The following LRRC37A3 variants were observed in gnomAD, a reference collection of about 807,000 sequenced individuals.
LRRC37A3 encodes leucine-rich repeat-containing protein 37A3.
A neutral mutation model predicts 106.2 loss-of-function variants in LRRC37A3; 25 were observed. The ratio of observed to expected loss-of-function variants is 0.24; its 90% CI spans 0.17 to 0.33. The LOEUF (loss-of-function observed/expected upper bound fraction) is 0.33. LRRC37A3 is among the 10% of genes least tolerant of loss of function. LRRC37A3 has a pLI of 1.00. For missense variants in LRRC37A3, 712 were observed against 1,644.9 expected (o/e 0.43, Z 9.81); for synonymous variants, 305 against 635.8 (o/e 0.48, Z 7.83).
chr17:64,871,574 G>A (rs1973313346), intron 8 of LRRC37A3: 1 of 152,010 alleles, frequency 6.6e-6, no homozygotes, highest in Non-Finnish European at 1.5e-5. Context: ...ATCAGCATGG[G>A]AGTTTTGACC....
chr17:64,880,337 G>A (rs1211073790), intron 8 of LRRC37A3, among the ~76,000 whole-genome samples: 1 of 152,142 alleles, frequency 6.6e-6, no homozygotes, highest in Non-Finnish European at 1.5e-5. Flanking sequence ...TGTAGAGATT[G>A]GGGTCTCACT....
intron 11 of LRRC37A3, among the ~76,000 whole-genome samples, chr17:64,862,098 T>A (rs1442903357): frequency 6.2e-5 from 9 of 144,306 alleles, no homozygotes; most frequent in African/African-American, 1.8e-4. Flanking sequence ...GGGAATAACA[T>A]AATTGGTAAA....
chr17:64,898,613 ACTT>A (rs1282772777), intron 2 of LRRC37A3, 154 bp from the exon 3 acceptor site: 1 of 869,290 alleles, frequency 1.2e-6, no homozygotes, highest in Admixed American at 6.2e-5. Context: ...AGGAAGCTAG[ACTT>A]CTTAAAGCTT....
At position 64,858,842 on chromosome 17, in the gene LRRC37A3, G is replaced by C; in HGVS notation, c.4746C>G (p.Leu1582=). 1 of 1,612,820 alleles carries C rather than the reference G, an allele frequency of 6.2e-7. No homozygotes were observed. The highest frequency in any genetic ancestry group is 8.5e-7 in the Non-Finnish European group (1 of 1,179,370). ...TTCCAGTCACAATTAACGCCAAGAT[G>C]AGTTTTTTGGTATAGCCATATCCTG... ...ELPGYGYTKK[L]ILALIVTGIL... is the part of the protein sequence containing the mutation. Residue 1582 remains leucine, a synonymous_variant, in exon 13 of 15, where the codon CTC becomes CTG. Coordinates refer to ENST00000584306, the MANE Select transcript of LRRC37A3 (RefSeq NM_199340.5).
At position 64,854,286 on chromosome 17, in the gene LRRC37A3, C is replaced by G; in HGVS notation, c.*313G>C. The G allele has an allele frequency of 2.0e-6, 1 of 505,970 alleles. No individual in the cohort carries two copies. The allele number at this position is 505,970 out of a possible 1,614,324, so 31.3% of individuals were successfully genotyped here. On this transcript the variant is annotated 3_prime_UTR_variant, in exon 15 of 15. Coordinates refer to ENST00000584306, the MANE Select transcript of LRRC37A3 (RefSeq NM_199340.5). ...AGGCCCAGTGATCCTATGATAGGGG[C>G]CAGGAGATGGGAGGTCCCCTGTGGG... is the stretch of plus-strand genomic sequence containing the variant.
At chr17:64,862,329 G>C (rs1567764146) in intron 11 of LRRC37A3, among the ~76,000 whole-genome samples, 1 of 151,974 alleles carries the variant, frequency 6.6e-6, no homozygotes, top group Non-Finnish European at 1.5e-5. Flanking sequence ...TTGAGATTCG[G>C]AGCAAGTTCA....
chr17:64,862,566 C>T lies in LRRC37A3; in HGVS notation c.3172+334G>A, dbSNP rs1262237391. Among the ~76,000 whole-genome samples the T allele has an allele frequency of 2.0e-5, 3 of 151,828 alleles. No homozygotes were observed. The East Asian group carries it at 5.8e-4, about 29-fold the overall frequency. On this transcript the variant is annotated intron_variant, in intron 11 of 14. Transcript: ENST00000584306. ...TAAAACCAGCTTACAAACTACATTG[C>T]ACTATATGAAGAAATTATCACTGTG...
At chr17:64,877,664 C>A (rs769745296) in intron 8 of LRRC37A3, among the ~76,000 whole-genome samples, 1 of 152,108 alleles carries the variant, frequency 6.6e-6, no homozygotes, top group Non-Finnish European at 1.5e-5. Flanking sequence ...CAAGCTAGTT[C>A]TAAAATAATA....
chr17:64,884,552 G>A, intron 8 of LRRC37A3, among the ~76,000 whole-genome samples: 1 of 149,772 alleles, frequency 6.7e-6, no homozygotes. Flanking sequence ...TTTTAGTAGA[G>A]ACAGGTTTCA....
rs1221453289 is a variant in LRRC37A3, at chr17:64,860,711, T to C, written c.3435A>G (p.Pro1145=). ...TCTTTGCCAGGCTGTTTCCTGTGGT[T>C]GGCAGTTTAATGAACGGTAGTAACA... ...KSLLLPFIKL[P]TTGNSLAKIQ... is the part of the protein sequence containing the mutation. The change falls in exon 12 of 15, where the codon CCA becomes CCG. Residue 1145 remains proline (P), a synonymous_variant. Transcript: ENST00000584306. 2 of 1,614,026 alleles carry C rather than the reference T, an allele frequency of 1.2e-6. No individual in the cohort carries two copies. The highest frequency in any genetic ancestry group is 8.5e-7 in the Non-Finnish European group (1 of 1,179,896).
In LRRC37A3 at chr17:64,859,709, C is replaced by T; in HGVS notation, c.4437G>A (p.Gln1479=). 1.2e-6 allele frequency: 2 copies of T among 1,613,578 alleles called. No homozygotes were observed. The highest frequency in any genetic ancestry group is 1.7e-6 in the Non-Finnish European group (2 of 1,180,000). Residue 1479 remains glutamine (Q), a synonymous_variant, in exon 12 of 15, where the codon CAG becomes CAA. Coordinates refer to ENST00000584306, the MANE Select transcript of LRRC37A3 (RefSeq NM_199340.5). ...PGDQFEIQLT[Q]QLQSVIPNNN... The stretch of plus-strand genomic sequence containing the variant: ...TGTTGGGGATAACGGACTGCAGCTG[C>T]TGGGTTAGCTGAATTTCAAACTGAT...
chr17:64,887,390 C>T (rs62073309), intron 6 of LRRC37A3, among the ~76,000 whole-genome samples: 1 of 14,798 alleles, frequency 6.8e-5, no homozygotes, highest in Non-Finnish European at 1.1e-4. Flanking sequence ...TGCCTGTAGT[C>T]CTAGCTGCTC....
intron 11 of LRRC37A3, among the ~76,000 whole-genome samples, chr17:64,861,307 G>A (rs1012006133): frequency 3.0e-4 from 46 of 152,320 alleles, no homozygotes; most frequent in Middle Eastern, 3.4e-3. Context: ...TGATGAGCTG[G>A]CCTCTCTGCA....
chr17:64,899,080 TG>T (rs1262052665), intron 2 of LRRC37A3: 1 of 136,710 alleles, frequency 7.3e-6, no homozygotes, highest in Non-Finnish European at 1.5e-5. Flanking sequence ...GGCAGGTATT[TG>T]TGTATGTAAA....
chr17:64,876,953 G>T (rs1973532974), intron 8 of LRRC37A3: 1 of 152,192 alleles, frequency 6.6e-6, no homozygotes, highest in Non-Finnish European at 1.5e-5. Flanking sequence ...TCTTATGAAT[G>T]TAGATGGAAA....
At chr17:64,916,273 C>T (rs1457291720) in intron 2 of LRRC37A3, among the ~76,000 whole-genome samples, 22 of 151,868 alleles carry the variant, frequency 1.4e-4, no homozygotes, top group African/African-American at 5.3e-4. Context: ...GGCGTGGTGG[C>T]GGGTGCCTGT....
chr17:64,866,834 A>G (rs918782984), intron 10 of LRRC37A3, among the ~76,000 whole-genome samples: 1 of 144,594 alleles, frequency 6.9e-6, no homozygotes, highest in Admixed American at 6.9e-5. Flanking sequence ...TCCTGCAAAG[A>G]AGGCCAGGCA....
At position 64,897,278 on chromosome 17, in the gene LRRC37A3, C is replaced by G. The variant is rs375747934; in HGVS notation, c.-21G>C. 1.9e-4 allele frequency: 301 copies of G among 1,609,840 alleles called. 10 individuals carry two copies. The African/African-American group carries it at 4.0e-3, about 21-fold the overall frequency. ...GTCATTCTGGCAGCTCCGAGACGCT[C>G]GTGCCCCTTGTAAGCATGAGTCCCG... On this transcript the variant is annotated 5_prime_UTR_variant, in exon 4 of 15. Coordinates refer to ENST00000584306, the MANE Select transcript of LRRC37A3 (RefSeq NM_199340.5).
chr17:64,855,708 A>G, intron 14 of LRRC37A3, 132 bp downstream of exon 14: 1 of 1,424,048 alleles, frequency 7.0e-7, no homozygotes, highest in Non-Finnish European at 9.6e-7. Flanking sequence ...AGGCTGAGGC[A>G]GGAGAATCGC....
Sources: gnomAD v4.1 joint callset for allele counts (sites outside exome capture counted in the v4.1 genomes callset) on GRCh38, gnomAD v4.1.1 for gene constraint, MANE v1.5 for transcripts, NCBI Gene and HGNC (gene_info 2026-07-23, HGNC 2026-07-21) for gene names.